LHFPL3: variants seen among roughly 807,000 people sequenced by gnomAD.
The protein encoded by LHFPL3 is LHFPL tetraspan subfamily member 3, also known as LHFPL tetraspan subfamily member 3 protein.
Under a neutral mutation model 19.3 loss-of-function variants are expected in LHFPL3, and 5 were observed. The ratio of observed to expected loss-of-function variants is 0.26; its 90% confidence interval spans 0.14 to 0.54. The LOEUF (loss-of-function observed/expected upper bound fraction) is 0.54. Among genes scored for constraint, LHFPL3 ranks in the 20% least tolerant of loss-of-function variants. The probability of loss-of-function intolerance (pLI) is 0.94; values close to 1 mark genes in which losing one functional copy is unlikely to be tolerated. For synonymous variants in LHFPL3, 133 were observed against 126.2 expected (o/e 1.05, Z -0.36); for missense variants, 249 against 307.4 (o/e 0.81, Z 1.42).
intron 1 of LHFPL3, 28 bp downstream of exon 1, chr7:104,329,252 C>G (rs945707469): frequency 2.6e-6 from 4 of 1,564,878 alleles, no homozygotes; most frequent in Non-Finnish European, 3.5e-6. Flanking sequence ...TCCGCGGAGG[C>G]GGAGGACCCC....
chr7:104,667,897 A>C (rs1810712), intron 1 of LHFPL3: 5 of 1,612,264 alleles, frequency 3.1e-6, no homozygotes, highest in Non-Finnish European at 4.2e-6. Flanking sequence ...CTGGAAGGAG[A>C]TGTTTCTACA....
chr7:104,717,468 A>G (rs914300163), intron 1 of LHFPL3, among the ~76,000 whole-genome samples: 1 of 152,180 alleles, frequency 6.6e-6, no homozygotes, highest in African/African-American at 2.4e-5. Context: ...GAGAAAAACT[A>G]ATAACCTGAT....
intron 1 of LHFPL3, among the ~76,000 whole-genome samples, chr7:104,646,239 T>C (rs1791931169): frequency 6.6e-6 from 1 of 152,228 alleles, no homozygotes; most frequent in Non-Finnish European, 1.5e-5. Flanking sequence ...GTAAGTGGGC[T>C]AGTAAATCAG....
rs538610512 is a variant in LHFPL3 at position 104,513,808 on chromosome 7, G to A, written c.445+184584G>A. Among the ~76,000 whole-genome samples, 5 of 152,254 alleles carry A rather than the reference G, an allele frequency of 3.3e-5. No individual in the cohort carries two copies. The East Asian group carries it at 5.8e-4, about 18-fold the overall frequency. ...TCTTGGGTATCTGCTGGGCAACAGC[G>A]TTTTTAAAGGTCTTCAAGTGATTGC... On this transcript the variant is annotated intron_variant, in intron 1 of 2. Coordinates refer to ENST00000424859, the MANE Select transcript of LHFPL3 (RefSeq NM_199000.3).
chr7:104,624,472 G>A (rs1370070747), intron 1 of LHFPL3, among the ~76,000 whole-genome samples: 1 of 152,166 alleles, frequency 6.6e-6, no homozygotes, highest in African/African-American at 2.4e-5. Flanking sequence ...GCTCTACAGA[G>A]ACTCATAGGA....
chr7:104,457,445 T>TCGC (rs1792569191), intron 1 of LHFPL3, among the ~76,000 whole-genome samples: 1 of 152,180 alleles, frequency 6.6e-6, no homozygotes, highest in Non-Finnish European at 1.5e-5. Flanking sequence ...GGACATGAAC[T>TCGC]CATCATTTTT....
At chr7:104,693,883 G>A (rs1792951912) in intron 1 of LHFPL3, among the ~76,000 whole-genome samples, 1 of 151,460 alleles carries the variant, frequency 6.6e-6, no homozygotes, top group Admixed American at 6.6e-5. Context: ...CGCCTGCCTG[G>A]GCCTCCCAAA....
At chr7:104,362,629 T>G (rs550452681) in intron 1 of LHFPL3, among the ~76,000 whole-genome samples, 3 of 152,146 alleles carry the variant, frequency 2.0e-5, no homozygotes, top group African/African-American at 4.8e-5. Flanking sequence ...ACTGCCCAGA[T>G]AGAGCCAATT....
chr7:104,518,056 A>C (rs903924923), intron 1 of LHFPL3, among the ~76,000 whole-genome samples: 1 of 152,178 alleles, frequency 6.6e-6, no homozygotes, highest in African/African-American at 2.4e-5. Context: ...GCTGATCCCA[A>C]TGTCATCCTA....
intron 2 of LHFPL3, among the ~76,000 whole-genome samples, chr7:104,737,919 A>T (rs1353081874): frequency 6.6e-6 from 1 of 152,172 alleles, no homozygotes; most frequent in Admixed American, 6.5e-5. Context: ...AGTATATACT[A>T]GTTTCTACAT....
intron 1 of LHFPL3, among the ~76,000 whole-genome samples, chr7:104,487,316 A>G (rs76444974): frequency 0.063 from 9,540 of 152,346 alleles, 366 homozygotes; most frequent in African/African-American, 0.11. Context: ...CATACAGTTA[A>G]GAAAAATTAG....
chr7:104,457,549 AT>A (rs1792572039), intron 1 of LHFPL3, among the ~76,000 whole-genome samples: 1 of 150,908 alleles, frequency 6.6e-6, no homozygotes, highest in South Asian at 2.1e-4. Flanking sequence ...AGTCTTTGCT[AT>A]TGTGAATAGT....
rs2115977554 is a variant in LHFPL3 at position 104,567,946 on chromosome 7, T to C, written c.446-168729T>C. Among the ~76,000 whole-genome samples, 3 of 152,258 alleles carry C rather than the reference T, an allele frequency of 2.0e-5. 1 individual carries two copies. The South Asian group carries it at 6.2e-4, about 32-fold the overall frequency. Reference sequence around the variant, plus strand: ...CAATGCACGTCTACTGCTCTCTCAGTCAAGTTTCGGGGCACCAACTATGGC... The same window carrying C: ...CAATGCACGTCTACTGCTCTCTCAGCCAAGTTTCGGGGCACCAACTATGGC... On this transcript the variant is annotated intron_variant, in intron 1 of 2. Coordinates refer to ENST00000424859, the MANE Select transcript of LHFPL3 (RefSeq NM_199000.3).
At chr7:104,379,592 T>C (rs1790785331) in intron 1 of LHFPL3, among the ~76,000 whole-genome samples, 1 of 152,184 alleles carries the variant, frequency 6.6e-6, no homozygotes, top group Admixed American at 6.5e-5. Flanking sequence ...GAGCAGGATG[T>C]CTGAGGAGGA....
intron 1 of LHFPL3, among the ~76,000 whole-genome samples, chr7:104,373,263 GA>G (rs1790648332): frequency 6.6e-6 from 1 of 152,202 alleles, no homozygotes; most frequent in East Asian, 1.9e-4. Context: ...ATTTTAATTG[GA>G]AAAGATATAA....
intron 2 of LHFPL3, among the ~76,000 whole-genome samples, chr7:104,885,772 C>A (rs1012138825): frequency 6.6e-6 from 1 of 151,936 alleles, no homozygotes; most frequent in African/African-American, 2.4e-5. Flanking sequence ...TTCTCATCAC[C>A]CCCCTCCCCT....
intron 2 of LHFPL3, among the ~76,000 whole-genome samples, chr7:104,875,118 A>G (rs1002673534): frequency 1.3e-5 from 2 of 152,044 alleles, no homozygotes; most frequent in African/African-American, 4.8e-5. Flanking sequence ...AAAAATGTTG[A>G]TATTTCAGGT....
chr7:104,527,375 A>G (rs1467249880), intron 1 of LHFPL3, among the ~76,000 whole-genome samples: 2 of 152,104 alleles, frequency 1.3e-5, no homozygotes, highest in African/African-American at 4.8e-5. Flanking sequence ...GGAGCTAAAT[A>G]ATTGAGTAGG....
intron 1 of LHFPL3, among the ~76,000 whole-genome samples, chr7:104,546,720 G>A (rs1794583288): frequency 6.6e-6 from 1 of 152,206 alleles, no homozygotes; most frequent in Admixed American, 6.5e-5. Context: ...TCCCAAGGCT[G>A]CATAACTGAG....
Sources: gnomAD v4.1 joint callset for allele counts (sites outside exome capture counted in the v4.1 genomes callset) on GRCh38, gnomAD v4.1.1 for gene constraint, MANE v1.5 for transcripts, NCBI Gene and HGNC (gene_info 2026-07-23, HGNC 2026-07-21) for gene names.